C12orf42: variants seen among roughly 807,000 people sequenced by gnomAD.
C12orf42 encodes chromosome 12 open reading frame 42, also known as uncharacterized protein C12orf42.
In C12orf42, 25 loss-of-function variants were observed where a neutral mutation model predicts 21.6. The ratio of observed to expected loss-of-function variants is 1.16; its 90% CI spans 0.84 to 1.62. The LOEUF (loss-of-function observed/expected upper bound fraction) is 1.62, where lower values mean the gene tolerates loss of function less well. C12orf42 is among the 40% of genes most tolerant of loss of function. The probability of loss-of-function intolerance (pLI) is 0.00; values close to 1 mark genes in which losing one functional copy is unlikely to be tolerated. For missense variants in C12orf42, 483 were observed against 459.3 expected (o/e 1.05, Z -0.47); for synonymous variants, 174 against 175.0 (o/e 0.99, Z 0.05).
chr12:103,088,355 T>A, the C12orf42 span, among the ~76,000 whole-genome samples: 1 of 152,248 alleles, frequency 6.6e-6, no homozygotes, highest in Non-Finnish European at 1.5e-5. Context: ...AATAGGGGAC[T>A]TCTATATTCC....
chr12:103,273,594 C>A (rs2035589487), intron 5 of C12orf42, among the ~76,000 whole-genome samples: 1 of 152,106 alleles, frequency 6.6e-6, no homozygotes, highest in Non-Finnish European at 1.5e-5. Context: ...AAAGTCAGGA[C>A]TCTGAAATTT....
chr12:103,551,947 A>T, the C12orf42 span, among the ~76,000 whole-genome samples: 1 of 152,180 alleles, frequency 6.6e-6, no homozygotes, highest in African/African-American at 2.4e-5. Context: ...TTCAAGTGAG[A>T]TTTATACAGA....
At chr12:103,296,107 G>T (rs188798442) in intron 4 of C12orf42, among the ~76,000 whole-genome samples, 6,019 of 149,162 alleles carry the variant, frequency 0.04, 402 homozygotes, top group African/African-American at 0.14. Context: ...AGCGAGAACA[G>T]GCGGTGTTTG....
chr12:103,551,855 CAAG>C, the C12orf42 span, among the ~76,000 whole-genome samples: 73 of 151,376 alleles, frequency 4.8e-4, no homozygotes, highest in African/African-American at 1.7e-3. Flanking sequence ...AATAAGATGA[CAAG>C]AAGAAGAAGA....
the C12orf42 span, among the ~76,000 whole-genome samples, chr12:103,101,537 T>C: frequency 1.7e-4 from 26 of 152,320 alleles, no homozygotes; most frequent in African/African-American, 5.8e-4. Flanking sequence ...ATCCTTGATG[T>C]CAACATTCAT....
At chr12:103,152,186 A>T in the C12orf42 span, among the ~76,000 whole-genome samples, 1 of 152,220 alleles carries the variant, frequency 6.6e-6, no homozygotes, top group Non-Finnish European at 1.5e-5. Flanking sequence ...GCTCCAGAGA[A>T]GTACCTAGCC....
At chr12:103,527,357 T>C in the C12orf42 span, among the ~76,000 whole-genome samples, 4 of 152,076 alleles carry the variant, frequency 2.6e-5, no homozygotes, top group Non-Finnish European at 5.9e-5. Context: ...CCTCCAAATC[T>C]CATGTTGAAA....
chr12:103,397,004 T>C (rs2047593585), intron 3 of C12orf42, among the ~76,000 whole-genome samples: 1 of 152,254 alleles, frequency 6.6e-6, no homozygotes, highest in Non-Finnish European at 1.5e-5. Context: ...TTTACCAACA[T>C]CTGTCTGATC....
chr12:103,306,779 G>T (rs1387819404), intron 4 of C12orf42, among the ~76,000 whole-genome samples: 3 of 152,128 alleles, frequency 2.0e-5, no homozygotes, highest in African/African-American at 7.2e-5. Flanking sequence ...GACCTTATTT[G>T]GAAATAGGGT....
chr12:103,436,404 T>C (rs1037094452), intron 2 of C12orf42, among the ~76,000 whole-genome samples: 2 of 151,324 alleles, frequency 1.3e-5, no homozygotes, highest in Non-Finnish European at 2.9e-5. Flanking sequence ...CATAAAAATA[T>C]TAACTTTAAA....
At chr12:103,241,492 T>C (rs1327740883) in intron 10 of C12orf42, among the ~76,000 whole-genome samples, 1 of 152,156 alleles carries the variant, frequency 6.6e-6, no homozygotes, top group African/African-American at 2.4e-5. Flanking sequence ...ATTTACCTTA[T>C]AAAAGTGGAG....
At chr12:103,179,799 C>T in the C12orf42 span, among the ~76,000 whole-genome samples, 3 of 152,148 alleles carry the variant, frequency 2.0e-5, no homozygotes, top group African/African-American at 4.8e-5. Context: ...TTCAGAATGA[C>T]GGATTTGGTG....
chr12:103,542,000 C>T, the C12orf42 span, among the ~76,000 whole-genome samples: 1 of 152,144 alleles, frequency 6.6e-6, no homozygotes, highest in South Asian at 2.1e-4. Context: ...TGAACAAAGT[C>T]ACAGGAGCTA....
intron 4 of C12orf42, among the ~76,000 whole-genome samples, chr12:103,291,828 C>T (rs564588241): frequency 6.6e-6 from 1 of 152,276 alleles, no homozygotes; most frequent in South Asian, 2.1e-4. Flanking sequence ...TATTTCTTTA[C>T]TGCATCCTGC....
intron 2 of C12orf42, among the ~76,000 whole-genome samples, chr12:103,418,412 G>C (rs1318936176): frequency 2.0e-5 from 3 of 152,194 alleles, no homozygotes; most frequent in African/African-American, 7.2e-5. Context: ...CATGGAGCAG[G>C]AGATCCTTTT....
At chr12:103,151,819 C>G in the C12orf42 span, 1 of 152,146 alleles carries the variant, frequency 6.6e-6, no homozygotes, top group Non-Finnish European at 1.5e-5. Flanking sequence ...AAGCTCTGTA[C>G]AATTCTCTCT....
chr12:103,200,832 A>G, the C12orf42 span, among the ~76,000 whole-genome samples: 2 of 152,234 alleles, frequency 1.3e-5, no homozygotes, highest in African/African-American at 4.8e-5. Flanking sequence ...AATCATTATA[A>G]TTAGGCTCAA....
At chr12:103,421,569 GTCAATAAATA>G (rs2049905114) in intron 2 of C12orf42, among the ~76,000 whole-genome samples, 1 of 144,996 alleles carries the variant, frequency 6.9e-6, no homozygotes, top group Non-Finnish European at 1.5e-5. Context: ...GCAAGACCTT[GTCAATAAATA>G]TAAATAAATA....
chr12:103,277,148 A>C (rs1375714607), intron 5 of C12orf42: 4 of 455,400 alleles, frequency 8.8e-6, no homozygotes, highest in Non-Finnish European at 1.8e-5. Flanking sequence ...AACGATACTC[A>C]CTCTTCAAGG....
Sources: allele counts gnomAD v4.1 joint callset (sites outside exome capture counted in the v4.1 genomes callset), GRCh38; gene constraint gnomAD v4.1.1; transcripts MANE v1.5; gene names NCBI Gene and HGNC (gene_info 2026-07-23, HGNC 2026-07-21).